PCED1B: variants seen among roughly 807,000 people sequenced by gnomAD.
The protein encoded by PCED1B is PC-esterase domain containing 1B, also known as PC-esterase domain-containing protein 1B.
For synonymous variants in PCED1B, 251 were observed against 246.1 expected, an observed-to-expected ratio of 1.02 and a Z score of -0.19; for missense variants, 573 against 573.9, an observed-to-expected ratio of 1.00 and a Z score of 0.02.
At chr12:47,169,456 A>AT (rs1941649070) in intron 2 of PCED1B, among the ~76,000 whole-genome samples, 1 of 152,118 alleles carries the variant, frequency 6.6e-6, no homozygotes, top group Non-Finnish European at 1.5e-5. Flanking sequence ...AAAATATTCA[A>AT]TATGGCAAGC....
chr12:47,107,740 G>T (rs998705377), intron 2 of PCED1B, among the ~76,000 whole-genome samples: 4 of 152,174 alleles, frequency 2.6e-5, no homozygotes, highest in Non-Finnish European at 5.9e-5. Flanking sequence ...GGTGTCACTA[G>T]ACCTGGGCTA....
chr12:47,086,501 G>A (rs1937992663), intron 1 of PCED1B, among the ~76,000 whole-genome samples: 2 of 152,152 alleles, frequency 1.3e-5, no homozygotes, highest in African/African-American at 4.8e-5. Context: ...GTTTGCAAAA[G>A]GATGATCTTT....
chr12:47,097,649 CTG>C (rs369290861), intron 1 of PCED1B, among the ~76,000 whole-genome samples: 6 of 152,144 alleles, frequency 3.9e-5, no homozygotes, highest in African/African-American at 1.4e-4. Flanking sequence ...GAAATCTAAA[CTG>C]TGGTTCAGTG....
chr12:47,098,799 G>A (rs1938584691), intron 1 of PCED1B, among the ~76,000 whole-genome samples: 1 of 152,110 alleles, frequency 6.6e-6, no homozygotes, highest in African/African-American at 2.4e-5. Flanking sequence ...TTTTTTAAAA[G>A]CAAAGAGACT....
chr12:47,183,439 A>G (rs558078215), intron 2 of PCED1B, among the ~76,000 whole-genome samples: 1 of 152,358 alleles, frequency 6.6e-6, no homozygotes, highest in South Asian at 2.1e-4. Flanking sequence ...GGGACACTTA[A>G]ATAGGCAATG....
At chr12:47,126,220 G>C (rs1053122648) in intron 2 of PCED1B, among the ~76,000 whole-genome samples, 1 of 151,972 alleles carries the variant, frequency 6.6e-6, no homozygotes, top group African/African-American at 2.4e-5. Context: ...GTTTTTATAA[G>C]GAATGCATGT....
chr12:47,168,883 T>C (rs1415730288), intron 2 of PCED1B, among the ~76,000 whole-genome samples: 1 of 152,162 alleles, frequency 6.6e-6, no homozygotes, highest in Non-Finnish European at 1.5e-5. Flanking sequence ...AAAATTGACC[T>C]TTAAAAAAAA....
intron 2 of PCED1B, among the ~76,000 whole-genome samples, chr12:47,153,355 CAA>C (rs11299918): frequency 0.22 from 20,844 of 94,948 alleles, 1,237 homozygotes; most frequent in Non-Finnish European, 0.3. Context: ...GACTCCTTCT[CAA>C]AAAAAAAAAA....
intron 2 of PCED1B, among the ~76,000 whole-genome samples, chr12:47,113,170 A>G (rs191688033): frequency 7.9e-4 from 120 of 152,316 alleles, no homozygotes; most frequent in Non-Finnish European, 1.2e-3. Context: ...CCCTGTTCTA[A>G]AGAAGTAGGG....
chr12:47,232,377 C>A (rs1009696513), intron 3 of PCED1B, among the ~76,000 whole-genome samples: 5 of 152,158 alleles, frequency 3.3e-5, no homozygotes, highest in Admixed American at 3.3e-4. Flanking sequence ...TCTTATGAAA[C>A]TTAATATTCT....
At chr12:47,142,049 C>G (rs1181978090) in intron 2 of PCED1B, among the ~76,000 whole-genome samples, 1 of 152,200 alleles carries the variant, frequency 6.6e-6, no homozygotes, top group Non-Finnish European at 1.5e-5. Context: ...GAACTACACC[C>G]ATCCATGCAT....
intron 2 of PCED1B, among the ~76,000 whole-genome samples, chr12:47,188,093 C>G (rs757631193): frequency 6.6e-6 from 1 of 152,112 alleles, no homozygotes; most frequent in Non-Finnish European, 1.5e-5. Context: ...CCCAGACATA[C>G]CTCTGTCATG....
At chr12:47,080,184 G>A (rs1187547644) in intron 1 of PCED1B, among the ~76,000 whole-genome samples, 1 of 152,110 alleles carries the variant, frequency 6.6e-6, no homozygotes, top group Non-Finnish European at 1.5e-5. Flanking sequence ...CTTGAGTCAA[G>A]ATGCCCAACC....
chr12:47,165,559 C>G (rs1356327166), intron 2 of PCED1B, among the ~76,000 whole-genome samples: 1 of 152,120 alleles, frequency 6.6e-6, no homozygotes, highest in Non-Finnish European at 1.5e-5. Flanking sequence ...AAAGAATTCA[C>G]AAGGCTAAAA....
chr12:47,145,058 T>A (rs1940734404), intron 2 of PCED1B, among the ~76,000 whole-genome samples: 1 of 152,190 alleles, frequency 6.6e-6, no homozygotes, highest in African/African-American at 2.4e-5. Flanking sequence ...GAAAAATTCT[T>A]GAAGCAAATT....
intron 2 of PCED1B, among the ~76,000 whole-genome samples, chr12:47,211,590 G>A (rs946512966): frequency 6.9e-6 from 1 of 144,708 alleles, no homozygotes; most frequent in African/African-American, 2.6e-5. Context: ...GGAGGCAGAG[G>A]TTGCAATGAG....
intron 2 of PCED1B, among the ~76,000 whole-genome samples, chr12:47,128,411 T>C (rs913090145): frequency 2.0e-5 from 3 of 152,192 alleles, no homozygotes; most frequent in African/African-American, 7.2e-5. Flanking sequence ...GCCGCCTTAC[T>C]CTTCCCTTAG....
intron 1 of PCED1B, among the ~76,000 whole-genome samples, chr12:47,103,205 AT>A (rs1938793079): frequency 6.6e-6 from 1 of 152,182 alleles, no homozygotes; most frequent in East Asian, 1.9e-4. Flanking sequence ...ATAGTGATGC[AT>A]TTTGCCATAT....
At chr12:47,108,630 C>G (rs1350311210) in intron 2 of PCED1B, among the ~76,000 whole-genome samples, 8 of 152,174 alleles carry the variant, frequency 5.3e-5, no homozygotes, top group African/African-American at 1.7e-4. Flanking sequence ...TGCATTTTCT[C>G]TTAGGCTTTC....
Sources: allele counts gnomAD v4.1 joint callset (sites outside exome capture counted in the v4.1 genomes callset), GRCh38; gene constraint gnomAD v4.1.1; transcripts MANE v1.5; gene names NCBI Gene and HGNC (gene_info 2026-07-23, HGNC 2026-07-21).